Variants in LAMC1 observed in about 807,000 individuals in gnomAD.
LAMC1 encodes the protein laminin subunit gamma 1, also known as laminin subunit gamma-1.
In LAMC1, 38 loss-of-function variants were observed where a neutral mutation model predicts 173.6. The observed-to-expected ratio is 0.22, with a 90% CI of 0.17 to 0.29. The LOEUF (loss-of-function observed/expected upper bound fraction) is 0.29. Ranked by LOEUF, LAMC1 falls within the 10% of genes least tolerant of loss-of-function variation. LAMC1 has a pLI of 1.00. For synonymous variants in LAMC1, 746 were observed against 749.1 expected (o/e 1.00, Z 0.07); for missense variants, 1,824 against 2,051.8 (o/e 0.89, Z 2.14).
At chr1:183,084,249 A>G (rs1655364891) in intron 1 of LAMC1, among the ~76,000 whole-genome samples, 1 of 152,116 alleles carries the variant, frequency 6.6e-6, no homozygotes, top group African/African-American at 2.4e-5. Flanking sequence ...AGGCTGAGGC[A>G]GGAGAATGGC....
At chr1:183,099,331 C>T (rs1655775526) in intron 1 of LAMC1, among the ~76,000 whole-genome samples, 1 of 152,152 alleles carries the variant, frequency 6.6e-6, no homozygotes, top group African/African-American at 2.4e-5. Context: ...CTCAAGTGAT[C>T]TGCCTGCCTC....
At position 183,117,341 on chromosome 1, in the gene LAMC1, A is replaced by C; in HGVS notation, c.1586A>C (p.Glu529Ala). 1 of 1,611,322 alleles carries C rather than the reference A, an allele frequency of 6.2e-7. No homozygotes were observed. The highest frequency in any genetic ancestry group is 1.1e-5 in the South Asian group (1 of 90,998). The change falls in exon 9 of 28, where the codon GAA becomes GCA. Residue 529 changes from glutamate (E) to alanine (A), a missense_variant. Physicochemically the swap from Glu to Ala is moderately radical, Grantham distance 107. Transcript: ENST00000258341. ...FQIDEDGWRAEQRDGSEASLE... is the reference protein window; with the variant it reads ...FQIDEDGWRAAQRDGSEASLE... ...GCAGATGAGGATGGGTGGCGTGCGG[A>C]ACAGAGAGATGGCTCTGAAGCATCT...
rs1218233832 is a variant in LAMC1, at chr1:183,142,527, C to T, written c.4574-7C>T. 3 of 1,601,368 alleles carry T rather than the reference C, an allele frequency of 1.9e-6. No homozygotes were observed. Among genetic ancestry groups the T allele is most frequent in the African/African-American group, 1.3e-5 (1 of 74,528 alleles). On this transcript the variant is annotated splice_polypyrimidine_tract_variant and splice_region_variant and intron_variant, in intron 27 of 27. Transcript: ENST00000258341. ...TGTTCTCTTCTATGTACTTTCTGAC[C>T]CTCCAGGGCAGCTGGATACAGTGGA...
At chr1:183,128,482 AAAAG>A (rs1656687789) in intron 17 of LAMC1, 108 bp from the exon 18 acceptor site, 7 of 753,124 alleles carry the variant, frequency 9.3e-6, no homozygotes, top group South Asian at 8.5e-5. Flanking sequence ...AAAAAAAAAA[AAAAG>A]AACTACATAT....
chr1:183,033,857 C>T (rs1653905655), intron 1 of LAMC1, among the ~76,000 whole-genome samples: 2 of 152,056 alleles, frequency 1.3e-5, no homozygotes, highest in Admixed American at 1.3e-4. Context: ...CCATGCCCTG[C>T]TAGGTTTTTT....
At chr1:183,076,501 C>CT (rs1385371962) in intron 1 of LAMC1, among the ~76,000 whole-genome samples, 1 of 152,234 alleles carries the variant, frequency 6.6e-6, no homozygotes, top group African/African-American at 2.4e-5. Context: ...GTTCATCCTT[C>CT]TTTACCATCT....
intron 1 of LAMC1, among the ~76,000 whole-genome samples, chr1:183,061,367 G>GTTTTTT (rs5779152): frequency 1.3e-5 from 2 of 148,498 alleles, no homozygotes; most frequent in Non-Finnish European, 3.0e-5. Flanking sequence ...TTTGGTTGGT[G>GTTTTTT]TTTTTTTTTT....
At chr1:183,115,301 G>T (rs1181736374) in intron 5 of LAMC1, among the ~76,000 whole-genome samples, 1 of 152,098 alleles carries the variant, frequency 6.6e-6, no homozygotes. Flanking sequence ...ATTCATCTTA[G>T]CATGTGTCTA....
intron 1 of LAMC1, among the ~76,000 whole-genome samples, chr1:183,094,208 A>T (rs762214856): frequency 2.6e-5 from 4 of 152,070 alleles, no homozygotes; most frequent in Non-Finnish European, 5.9e-5. Context: ...GCCTCAGGGT[A>T]TTGCACTTGC....
At chr1:183,107,202 C>CT (rs1233533007) in intron 2 of LAMC1, among the ~76,000 whole-genome samples, 1 of 152,170 alleles carries the variant, frequency 6.6e-6, no homozygotes, top group Non-Finnish European at 1.5e-5. Context: ...GTTCGCATAC[C>CT]TACTGCATGC....
intron 1 of LAMC1, among the ~76,000 whole-genome samples, chr1:183,083,217 C>T (rs1655333785): frequency 6.6e-6 from 1 of 152,108 alleles, no homozygotes; most frequent in Non-Finnish European, 1.5e-5. Flanking sequence ...TTTCATTCCA[C>T]AGGATTAGAG....
rs1270729793 is a variant in LAMC1, at chr1:183,133,541, G to A, written c.3840G>A (p.Glu1280=). Residue 1280 remains glutamate, a synonymous_variant, in exon 22 of 28, where the codon GAG becomes GAA. Transcript: ENST00000258341. ...CTCAGCTGAGCCCTTTGGACTCTGA[G>A]ACACTGGAGGTATGGGGGCAGCCTG... ...SVAQLSPLDS[E]TLENEANNIK... is the part of the protein sequence containing the mutation. 1 of 1,611,716 alleles carries A rather than the reference G, an allele frequency of 6.2e-7. No individual in the cohort carries two copies. Among genetic ancestry groups the A allele is most frequent in the Non-Finnish European group, 8.5e-7 (1 of 1,178,550 alleles).
At chr1:183,039,165 C>G (rs1654060638) in intron 1 of LAMC1, among the ~76,000 whole-genome samples, 1 of 149,440 alleles carries the variant, frequency 6.7e-6, no homozygotes, top group Non-Finnish European at 1.5e-5. Flanking sequence ...TAAAAAAATT[C>G]TGGATCATGA....
Position 183,023,930 on chromosome 1 carries a change from C to T in LAMC1, c.214C>T (p.Pro72Ser). The T allele has an allele frequency of 6.2e-7, 1 of 1,613,262 alleles. No homozygotes were observed. Among genetic ancestry groups the T allele is most frequent in the South Asian group, 1.1e-5 (1 of 91,076 alleles). ...GGTGGCCACCAACACGTGTGGGACTCCGCCCGAGGAATACTGTGTGCAGAC... is the reference window on the plus strand; with the variant it reads ...GGTGGCCACCAACACGTGTGGGACTTCGCCCGAGGAATACTGTGTGCAGAC... The part of the protein sequence containing the change: ...TVVATNTCGT[P>S]PEEYCVQTGV... The change falls in exon 1 of 28, where the codon CCG becomes TCG. Residue 72 changes from proline to serine, a missense_variant. Coordinates refer to ENST00000258341, the MANE Select transcript of LAMC1 (RefSeq NM_002293.4).
intron 1 of LAMC1, among the ~76,000 whole-genome samples, chr1:183,036,390 G>A (rs1653983764): frequency 1.4e-5 from 2 of 139,834 alleles, no homozygotes; most frequent in Admixed American, 7.5e-5. Context: ...GAGCCACCAC[G>A]CCAGTCTTTT....
intron 13 of LAMC1, among the ~76,000 whole-genome samples, chr1:183,123,602 C>A (rs1184454517): frequency 6.6e-6 from 1 of 152,110 alleles, no homozygotes; most frequent in Non-Finnish European, 1.5e-5. Context: ...CTCCTTCTTA[C>A]AGAGGCTTTC....
intron 1 of LAMC1, among the ~76,000 whole-genome samples, chr1:183,046,252 T>C (rs907215528): frequency 1.3e-5 from 2 of 152,118 alleles, no homozygotes; most frequent in African/African-American, 4.8e-5. Flanking sequence ...ATTGTCTTTA[T>C]CTGCTAGGAC....
At chr1:183,117,474 T>A (rs1341383165) in intron 9 of LAMC1, 32 bp downstream of exon 9, 1 of 1,610,802 alleles carries the variant, frequency 6.2e-7, no homozygotes, top group East Asian at 2.2e-5. Flanking sequence ...TCTGACCTGC[T>A]GTGTGCCTCT....
intron 1 of LAMC1, among the ~76,000 whole-genome samples, chr1:183,073,934 A>C (rs763349604): frequency 2.0e-5 from 3 of 152,214 alleles, no homozygotes; most frequent in African/African-American, 7.2e-5. Context: ...GATTACATAG[A>C]TTAGAAAACA....
Sources: allele counts gnomAD v4.1 joint callset (sites outside exome capture counted in the v4.1 genomes callset), GRCh38; gene constraint gnomAD v4.1.1; transcripts MANE v1.5; gene names NCBI Gene and HGNC (gene_info 2026-07-23, HGNC 2026-07-21).